FGF12: variants seen among roughly 807,000 people sequenced by gnomAD.
FGF12 encodes fibroblast growth factor 12B.
FGF12 carries 14 observed loss-of-function variants against 23.6 expected under a neutral mutation model. That is an observed-to-expected ratio of 0.59 (90% CI 0.39 to 0.93). The LOEUF is 0.93. FGF12 is among the 40% of genes least tolerant of loss of function. The pLI is 0.00. For missense variants in FGF12, 175 were observed against 217.8 expected (o/e 0.80, Z 1.24); for synonymous variants, 62 against 77.3 (o/e 0.80, Z 1.04).
At chr3:192,466,703 A>G (rs1193272096) in intron 2 of FGF12, among the ~76,000 whole-genome samples, 1 of 152,190 alleles carries the variant, frequency 6.6e-6, no homozygotes, top group African/African-American at 2.4e-5. Flanking sequence ...GAAGCTATTC[A>G]CTAGCATAGA....
intron 2 of FGF12, among the ~76,000 whole-genome samples, chr3:192,677,701 T>C (rs1021755490): frequency 1.3e-5 from 2 of 152,230 alleles, no homozygotes; most frequent in African/African-American, 2.4e-5. Flanking sequence ...TATTATATTT[T>C]TCAATGCAAG....
intron 4 of FGF12, among the ~76,000 whole-genome samples, chr3:192,258,204 T>C (rs1712526852): frequency 6.6e-6 from 1 of 152,134 alleles, no homozygotes; most frequent in Admixed American, 6.6e-5. Flanking sequence ...ATGCCTGTAA[T>C]CCCAGCAATT....
intron 5 of FGF12, among the ~76,000 whole-genome samples, chr3:192,167,743 AT>A (rs1715259264): frequency 1.8e-4 from 4 of 22,214 alleles, no homozygotes; most frequent in South Asian, 4.6e-3. Context: ...ATATATATAT[AT>A]ATATATATAT....
intron 5 of FGF12, among the ~76,000 whole-genome samples, chr3:192,161,883 C>T (rs958997194): frequency 6.6e-6 from 1 of 152,072 alleles, no homozygotes; most frequent in African/African-American, 2.4e-5. Context: ...GTGTCAATGT[C>T]ACTCTGTAGT....
intron 2 of FGF12, among the ~76,000 whole-genome samples, chr3:192,578,091 T>C (rs187839403): frequency 6.6e-6 from 1 of 152,162 alleles, no homozygotes; most frequent in Non-Finnish European, 1.5e-5. Context: ...GTGTTCTCTA[T>C]GGCAACAAAA....
chr3:192,212,582 C>T (rs1437707878), intron 4 of FGF12, among the ~76,000 whole-genome samples: 1 of 152,200 alleles, frequency 6.6e-6, no homozygotes, highest in East Asian at 1.9e-4. Context: ...ACTTATAGCA[C>T]AATTTGCACA....
At chr3:192,293,583 G>T (rs76090946) in intron 4 of FGF12, among the ~76,000 whole-genome samples, 1 of 152,300 alleles carries the variant, frequency 6.6e-6, no homozygotes, top group East Asian at 1.9e-4. Context: ...TAATGCAGGT[G>T]AATAAAGCCT....
chr3:192,173,408 G>T (rs1294956420), intron 4 of FGF12, among the ~76,000 whole-genome samples: 1 of 150,272 alleles, frequency 6.7e-6, no homozygotes, highest in Non-Finnish European at 1.5e-5. Flanking sequence ...CCATGTGAAG[G>T]AAAACTGGCT....
chr3:192,501,309 T>A (rs1033971792), intron 2 of FGF12, among the ~76,000 whole-genome samples: 2 of 152,206 alleles, frequency 1.3e-5, no homozygotes, highest in African/African-American at 4.8e-5. Context: ...GAAATAAATA[T>A]GACATAAAGT....
At chr3:192,624,930 A>C (rs753728144) in intron 2 of FGF12, among the ~76,000 whole-genome samples, 48 of 152,158 alleles carry the variant, frequency 3.2e-4, no homozygotes, top group Non-Finnish European at 6.0e-4. Context: ...GAAAACATTA[A>C]TAAGAAGCAA....
At chr3:192,510,709 C>T (rs771073739) in intron 2 of FGF12, among the ~76,000 whole-genome samples, 14 of 152,130 alleles carry the variant, frequency 9.2e-5, no homozygotes, top group Non-Finnish European at 1.9e-4. Context: ...TTCCAAGTCT[C>T]GAAGCAGCCA....
chr3:192,327,621 G>A (rs1199256153), intron 4 of FGF12, among the ~76,000 whole-genome samples: 2 of 127,736 alleles, frequency 1.6e-5, no homozygotes, highest in African/African-American at 2.9e-5. Flanking sequence ...CCAGCGATAA[G>A]TGTGCTAAGC....
At chr3:192,697,391 C>G (rs1272750378) in intron 2 of FGF12, among the ~76,000 whole-genome samples, 1 of 152,160 alleles carries the variant, frequency 6.6e-6, no homozygotes, top group Non-Finnish European at 1.5e-5. Context: ...GCTCTTGCAT[C>G]AGAAGAGAAA....
At chr3:192,259,364 G>T (rs1712599909) in intron 4 of FGF12, among the ~76,000 whole-genome samples, 1 of 152,080 alleles carries the variant, frequency 6.6e-6, no homozygotes, top group Non-Finnish European at 1.5e-5. Flanking sequence ...TAAGGCTATG[G>T]TTCAATGGCT....
chr3:192,645,176 G>T (rs913167177), intron 2 of FGF12, among the ~76,000 whole-genome samples: 1 of 152,070 alleles, frequency 6.6e-6, no homozygotes, highest in Non-Finnish European at 1.5e-5. Context: ...ATCCCCAAAG[G>T]CTTCGTAACA....
chr3:192,365,602 A>C, intron 2 of FGF12, among the ~76,000 whole-genome samples: 1 of 152,282 alleles, frequency 6.6e-6, no homozygotes, highest in East Asian at 1.9e-4. Flanking sequence ...AATTATATTA[A>C]AAATACTAAG....
chr3:192,221,350 T>A (rs1303314893), intron 4 of FGF12, among the ~76,000 whole-genome samples: 1 of 152,164 alleles, frequency 6.6e-6, no homozygotes, highest in Non-Finnish European at 1.5e-5. Context: ...ATCTGACAGA[T>A]CAGCCAATGG....
intron 2 of FGF12, among the ~76,000 whole-genome samples, chr3:192,500,818 A>C (rs1405727546): frequency 3.9e-5 from 6 of 152,230 alleles, no homozygotes. Flanking sequence ...CCCATAAAGT[A>C]GGTGCTATTG....
chr3:192,555,393 T>C (rs529293434), intron 2 of FGF12, among the ~76,000 whole-genome samples: 10 of 152,242 alleles, frequency 6.6e-5, no homozygotes, highest in Admixed American at 2.0e-4. Flanking sequence ...TATGGTACTA[T>C]AAAAGTAGTG....
Sources: gnomAD v4.1 joint callset for allele counts (sites outside exome capture counted in the v4.1 genomes callset) on GRCh38, gnomAD v4.1.1 for gene constraint, MANE v1.5 for transcripts, NCBI Gene and HGNC (gene_info 2026-07-23, HGNC 2026-07-21) for gene names.